PHF21A: variants seen among roughly 807,000 people sequenced by gnomAD.
The protein encoded by PHF21A is PHD finger protein 21A.
In PHF21A, 11 loss-of-function variants were observed where a neutral mutation model predicts 82.5. The observed-to-expected ratio is 0.13, with a 90% CI of 0.08 to 0.22. PHF21A has a LOEUF of 0.22. Ranked by LOEUF, PHF21A falls within the 10% of genes least tolerant of loss-of-function variation. PHF21A has a pLI of 1.00. For missense variants in PHF21A, 579 were observed against 837.8 expected (o/e 0.69, Z 3.81); for synonymous variants, 297 against 302.8 (o/e 0.98, Z 0.20).
chr11:45,958,333 C>A (rs1226490798), intron 10 of PHF21A, among the ~76,000 whole-genome samples: 1 of 136,348 alleles, frequency 7.3e-6, no homozygotes, highest in Non-Finnish European at 1.5e-5. Flanking sequence ...GAGGCCAAGG[C>A]AGGCAGATAG....
chr11:45,979,371 G>A (rs2094182709), intron 7 of PHF21A, among the ~76,000 whole-genome samples: 1 of 152,050 alleles, frequency 6.6e-6, no homozygotes, highest in Admixed American at 6.5e-5. Context: ...CACTGATCCT[G>A]GAATAGCTCT....
intron 2 of PHF21A, among the ~76,000 whole-genome samples, chr11:46,091,021 TA>T (rs1337720472): frequency 6.6e-6 from 1 of 152,172 alleles, no homozygotes; most frequent in Non-Finnish European, 1.5e-5. Context: ...TTATTTATTT[TA>T]AAAGGTTTAA....
chr11:46,037,456 A>G (rs2138600104), intron 6 of PHF21A, among the ~76,000 whole-genome samples: 1 of 152,280 alleles, frequency 6.6e-6, no homozygotes, highest in African/African-American at 2.4e-5. Context: ...AGCCTGGTCA[A>G]CATGGAGAAA....
At chr11:46,107,299 CACTA>C (rs2097162657) in intron 1 of PHF21A, among the ~76,000 whole-genome samples, 1 of 152,148 alleles carries the variant, frequency 6.6e-6, no homozygotes, top group Admixed American at 6.5e-5. Context: ...TAGGCTCTAC[CACTA>C]ACTTAGTCAA....
chr11:45,939,335 G>T (rs1590948361), intron 15 of PHF21A, among the ~76,000 whole-genome samples: 1 of 152,228 alleles, frequency 6.6e-6, no homozygotes, highest in East Asian at 1.9e-4. Context: ...AATTCTAGGG[G>T]GAGTTTAGAA....
chr11:46,019,549 G>A (rs901494876), intron 6 of PHF21A, among the ~76,000 whole-genome samples: 19 of 152,114 alleles, frequency 1.2e-4, no homozygotes, highest in African/African-American at 4.6e-4. Flanking sequence ...AACAAGTTCT[G>A]GAGTAGATAT....
Position 46,041,872 on chromosome 11 carries a change from C to T in PHF21A, c.153+34882G>A, listed in dbSNP as rs750863694. ...ATTTAACCCTTAAATACACTAGTAG[C>T]CATTTCTATTACAAAAGGATCTTGT... On this transcript the variant is annotated intron_variant, in intron 6 of 18. Transcript: ENST00000676320. Among the ~76,000 whole-genome samples the T allele has an allele frequency of 7.4e-4, 112 of 152,094 alleles. 3 individuals are homozygous for T. Among genetic ancestry groups the T allele is most frequent in the Non-Finnish European group, 3.8e-4 (26 of 68,018 alleles).
At chr11:46,067,604 A>AT (rs1289056130) in intron 6 of PHF21A, among the ~76,000 whole-genome samples, 1 of 151,678 alleles carries the variant, frequency 6.6e-6, no homozygotes. Flanking sequence ...CCCACAAAAA[A>AT]AAAAAAAACT....
At chr11:45,961,585 AT>A (rs1186584856) in intron 10 of PHF21A, among the ~76,000 whole-genome samples, 3 of 152,086 alleles carry the variant, frequency 2.0e-5, no homozygotes, top group South Asian at 2.1e-4. Flanking sequence ...TAACGTGGCA[AT>A]TTTTTTCCCC....
chr11:46,102,329 CCAAA>C (rs1011092592), intron 1 of PHF21A, among the ~76,000 whole-genome samples: 3 of 152,174 alleles, frequency 2.0e-5, no homozygotes, highest in Non-Finnish European at 2.9e-5. Flanking sequence ...ATTTTTCTTA[CCAAA>C]CAATTATGTT....
intron 8 of PHF21A, chr11:45,970,860 T>A (rs1246747349): frequency 4.2e-6 from 2 of 471,294 alleles, no homozygotes; most frequent in Non-Finnish European, 7.7e-6. Context: ...GAAGGAGACC[T>A]TCCCCCTAAA....
At chr11:46,082,906 G>A (rs1414557245) in intron 4 of PHF21A, among the ~76,000 whole-genome samples, 1 of 152,094 alleles carries the variant, frequency 6.6e-6, no homozygotes, top group African/African-American at 2.4e-5. Flanking sequence ...TTCTTCAGAG[G>A]AGGAAAAACT....
chr11:46,044,809 G>C (rs778743545), intron 6 of PHF21A, among the ~76,000 whole-genome samples: 9 of 152,094 alleles, frequency 5.9e-5, no homozygotes, highest in Non-Finnish European at 1.2e-4. Context: ...TATTGCCTTA[G>C]CAAAACAAAC....
At chr11:45,981,955 T>G (rs1250278873) in intron 6 of PHF21A, among the ~76,000 whole-genome samples, 7 of 143,894 alleles carry the variant, frequency 4.9e-5, no homozygotes, top group African/African-American at 1.8e-4. Context: ...TTTTTTTTTT[T>G]TTTTTTTTTT....
At chr11:46,109,860 G>C (rs1194167166) in intron 1 of PHF21A, among the ~76,000 whole-genome samples, 1 of 151,804 alleles carries the variant, frequency 6.6e-6, no homozygotes, top group Admixed American at 6.6e-5. Context: ...CATGCCTGTA[G>C]TCCCAACTAC....
chr11:45,965,238 T>G, intron 10 of PHF21A, 77 bp downstream of exon 10: 1 of 1,228,068 alleles, frequency 8.1e-7, no homozygotes, highest in Non-Finnish European at 1.2e-6. Flanking sequence ...TGAGAAAATG[T>G]ATTTAGAGAA....
rs907904938 is a variant in PHF21A, at chr11:45,932,511, G to A, written c.*1457C>T. 1 of 152,442 alleles carries A rather than the reference G, an allele frequency of 6.6e-6. No homozygotes were observed. The highest frequency in any genetic ancestry group is 2.4e-5 in the African/African-American group (1 of 41,440). The allele number at this position is 152,442 out of a possible 1,614,324, so 9.4% of individuals were successfully genotyped here. On this transcript the variant is annotated 3_prime_UTR_variant, in exon 19 of 19. Transcript: ENST00000676320. This position sits in a 1 kb window ranked among gnomAD's most constrained non-coding sequence, Gnocchi z 4.3. The stretch of plus-strand genomic sequence containing the variant: ...TCTAGAGACACACACACGGCAAAAT[G>A]TCATCGTGATCAGCAGGGTCTGTGC...
At chr11:45,937,550 C>T (rs1047665314) in intron 16 of PHF21A, among the ~76,000 whole-genome samples, 5 of 152,108 alleles carry the variant, frequency 3.3e-5, no homozygotes, top group Non-Finnish European at 7.4e-5. Flanking sequence ...GTGTGACCTC[C>T]GCTCACTGCA....
At chr11:46,040,580 T>G (rs1381324534) in intron 6 of PHF21A, among the ~76,000 whole-genome samples, 3 of 152,084 alleles carry the variant, frequency 2.0e-5, no homozygotes, top group Admixed American at 6.6e-5. Flanking sequence ...AATTAGGGTT[T>G]AGCAACTAAT....
Sources: gnomAD v4.1 joint callset for allele counts (sites outside exome capture counted in the v4.1 genomes callset) on GRCh38, gnomAD v4.1.1 for gene constraint, Gnocchi (gnomAD v3.1) non-coding constraint, MANE v1.5 for transcripts, NCBI Gene and HGNC (gene_info 2026-07-23, HGNC 2026-07-21) for gene names.